PAGE2B: variants seen among roughly 807,000 people sequenced by gnomAD.
The protein encoded by PAGE2B is PAGE family member 2B, also known as putative G antigen family E member 3.
Under a neutral mutation model 7.6 loss-of-function variants are expected in PAGE2B, and 5 were observed. The ratio of observed to expected loss-of-function variants is 0.66; its 90% CI spans 0.34 to 1.38. PAGE2B has a LOEUF of 1.38. Ranked by LOEUF, PAGE2B falls within the 40% of genes most tolerant of loss-of-function variation. PAGE2B has a pLI of 0.04. For synonymous variants in PAGE2B, 29 were observed against 26.7 expected (o/e 1.09, Z -0.27); for missense variants, 70 against 78.4 (o/e 0.89, Z 0.41).
At chrX:55,073,837 T>C (rs1309050319), upstream of PAGE2B, among the ~76,000 whole-genome samples, 1 of 111,674 alleles carries the variant, frequency 9.0e-6, no homozygotes, top group African/African-American at 3.3e-5. Context: ...TGCTTGAAGG[T>C]AGTTGGTGTA....
the PAGE2B span, among the ~76,000 whole-genome samples, chrX:55,049,911 T>G: frequency 1.8e-5 from 2 of 112,134 alleles, no homozygotes; most frequent in Non-Finnish European, 3.8e-5. Context: ...GGATGTCAAT[T>G]TTAGATCTTT....
rs1211523692 is a variant in PAGE2B at position 55,076,602 on chromosome X, G to A, written c.118G>A (p.Glu40Lys). 2.5e-6 allele frequency: 3 copies of A among 1,208,265 alleles called. No homozygotes were observed. The highest frequency in any genetic ancestry group is 3.4e-6 in the Non-Finnish European group (3 of 894,118). The change falls in exon 3 of 5, where the codon GAG becomes AAG. Residue 40 changes from glutamate (E) to lysine (K), a missense_variant. By Grantham distance (56) the Glu-to-Lys change is moderately conservative. Coordinates refer to ENST00000374971, the MANE Select transcript of PAGE2B (RefSeq NM_001015038.3). ...GCCCACTGAGGAAAAACGTCAAGAAGAGGAACCACCAACTGATAATCAGGG... is the reference window on the plus strand; with the variant it reads ...GCCCACTGAGGAAAAACGTCAAGAAAAGGAACCACCAACTGATAATCAGGG... ...QEPTEEKRQE[E>K]EPPTDNQGIA...
chrX:55,071,208 A>C (rs931456798), upstream of PAGE2B, among the ~76,000 whole-genome samples: 3 of 110,408 alleles, frequency 2.7e-5, no homozygotes, highest in African/African-American at 9.9e-5. Context: ...TTCCATGTTT[A>C]GTGCTTCCTT....
At chrX:55,029,565 A>G in the PAGE2B span, among the ~76,000 whole-genome samples, 1 of 111,413 alleles carries the variant, frequency 9.0e-6, no homozygotes, top group Non-Finnish European at 1.9e-5. Flanking sequence ...CTGACTCTAG[A>G]CATTTATCTC....
chrX:55,077,344 C>G (rs1936532760), intron 3 of PAGE2B, 55 bp from the exon 4 acceptor site: 3 of 1,197,527 alleles, frequency 2.5e-6, no homozygotes, highest in Non-Finnish European at 2.2e-6. Context: ...TTATCATTTC[C>G]TTGTTCATAG....
the PAGE2B span, among the ~76,000 whole-genome samples, chrX:55,051,859 C>T: frequency 3.6e-5 from 4 of 112,285 alleles, no homozygotes; most frequent in African/African-American, 9.7e-5. Context: ...TGATGAGCTG[C>T]GTTCCTTTGG....
upstream of PAGE2B, among the ~76,000 whole-genome samples, chrX:55,070,455 A>G (rs775685353): frequency 8.1e-5 from 9 of 111,629 alleles, no homozygotes; most frequent in African/African-American, 2.9e-4. Flanking sequence ...ACTTCCAATT[A>G]TGTGGTCAAT....
chrX:55,051,565 T>C, the PAGE2B span, among the ~76,000 whole-genome samples: 1 of 112,028 alleles, frequency 8.9e-6, no homozygotes, highest in East Asian at 2.8e-4. Flanking sequence ...CATTTTATCT[T>C]CCATCACTGA....
the PAGE2B span, chrX:55,030,935 C>A: frequency 2.9e-6 from 1 of 340,477 alleles, no homozygotes; most frequent in Non-Finnish European, 5.9e-6. Flanking sequence ...CTGAAAGCAG[C>A]TCTTACCTGT....
the PAGE2B span, among the ~76,000 whole-genome samples, chrX:55,049,803 C>G: frequency 9.0e-6 from 1 of 111,425 alleles, no homozygotes; most frequent in East Asian, 2.8e-4. Context: ...GTGTCTCTAT[C>G]TCCTTCAGTT....
At chrX:55,059,658 T>C in the PAGE2B span, among the ~76,000 whole-genome samples, 1 of 111,290 alleles carries the variant, frequency 9.0e-6, no homozygotes, top group African/African-American at 3.3e-5. Context: ...ATTTCAAGTA[T>C]ATGATACATT....
chrX:55,071,814 G>T (rs1224296036), upstream of PAGE2B, among the ~76,000 whole-genome samples: 2 of 111,405 alleles, frequency 1.8e-5, no homozygotes, highest in Non-Finnish European at 3.8e-5. Context: ...TTCAATCTCT[G>T]ATTCAATCAC....
At chrX:55,073,553 T>C (rs192459921), upstream of PAGE2B, among the ~76,000 whole-genome samples, 185 of 112,267 alleles carry the variant, frequency 1.6e-3, no homozygotes, top group African/African-American at 5.6e-3. Flanking sequence ...AAAGTAGTTT[T>C]CTTCTAATTC....
chrX:55,041,376 C>A, the PAGE2B span, among the ~76,000 whole-genome samples: 2 of 110,914 alleles, frequency 1.8e-5, no homozygotes. Context: ...CCACCGTGCC[C>A]GGCCTCAATA....
chrX:55,074,156 CT>C (rs201077314), upstream of PAGE2B, among the ~76,000 whole-genome samples: 1 of 110,867 alleles, frequency 9.0e-6, no homozygotes, highest in Non-Finnish European at 1.9e-5. Context: ...TGAGGAGTGG[CT>C]TTTTTTTGAT....
At chrX:55,075,351 A>G (rs779886478) in intron 1 of PAGE2B, among the ~76,000 whole-genome samples, 2 of 111,191 alleles carry the variant, frequency 1.8e-5, no homozygotes, top group Non-Finnish European at 1.9e-5. Flanking sequence ...TCGCGTGAAG[A>G]TGGGGCGAGT....
the PAGE2B span, among the ~76,000 whole-genome samples, chrX:55,045,855 A>G: frequency 2.0e-3 from 228 of 112,025 alleles, no homozygotes; most frequent in African/African-American, 7.1e-3. Flanking sequence ...TTCAATATAC[A>G]TTCCTTCAAC....
rs879001338 is a variant in PAGE2B, at chrX:55,076,093, C to T, written c.52C>T (p.Gln18Ter). Residue 18 changes from glutamine (Q) to a stop codon, truncating the protein, a stop_gained, in exon 2 of 5, where the codon CAA becomes TAA. Transcript: ENST00000374971. LOFTEE classifies it high-confidence loss of function. ...RSQSSERGNDQESSQPVGSVI... is the reference protein window; with the variant it reads ...RSQSSERGND ...CCAATCCTCAGAAAGAGGAAATGAC[C>T]AAGAGTCTTCCCAGCCAGTTGGATC... is the stretch of plus-strand genomic sequence containing the variant. 18 of 1,206,929 alleles carry T rather than the reference C, an allele frequency of 1.5e-5. No homozygotes were observed. The highest frequency in any genetic ancestry group is 1.9e-5 in the Non-Finnish European group (17 of 893,292).
chrX:55,031,566 A>G, the PAGE2B span, among the ~76,000 whole-genome samples: 2 of 111,967 alleles, frequency 1.8e-5, no homozygotes, highest in East Asian at 5.6e-4. Context: ...ACCTTAAAAG[A>G]TAGGTACTAT....
Sources: gnomAD v4.1 joint callset for allele counts (sites outside exome capture counted in the v4.1 genomes callset) on GRCh38, gnomAD v4.1.1 for gene constraint, MANE v1.5 for transcripts, NCBI Gene and HGNC (gene_info 2026-07-23, HGNC 2026-07-21) for gene names.